PDE8A: variants seen among roughly 807,000 people sequenced by gnomAD.
PDE8A encodes the protein high affinity cAMP-specific and IBMX-insensitive 3',5'-cyclic phosphodiesterase 8A.
Under a neutral mutation model 105.0 loss-of-function variants are expected in PDE8A, and 59 were observed. The ratio of observed to expected loss-of-function variants is 0.56; its 90% CI spans 0.46 to 0.70. PDE8A has a LOEUF of 0.70. Ranked by LOEUF, PDE8A falls within the 30% of genes least tolerant of loss-of-function variation. PDE8A has a pLI of 0.00. For missense variants in PDE8A, 1,014 were observed against 1,045.9 expected (o/e 0.97, Z 0.42); for synonymous variants, 355 against 371.9 (o/e 0.95, Z 0.52).
intron 20 of PDE8A, among the ~76,000 whole-genome samples, chr15:85,131,720 T>A (rs2082332756): frequency 6.6e-6 from 1 of 152,254 alleles, no homozygotes. Context: ...ATCAAGTTAC[T>A]GTCTAGCTTC....
chr15:84,987,494 A>T (rs1180654174), intron 1 of PDE8A, among the ~76,000 whole-genome samples: 3 of 109,840 alleles, frequency 2.7e-5, no homozygotes, highest in Non-Finnish European at 5.8e-5. Context: ...TTTTAAAGAC[A>T]GTTTTTTGCT....
intron 5 of PDE8A, among the ~76,000 whole-genome samples, chr15:85,082,610 T>C (rs192471401): frequency 2.0e-5 from 3 of 152,270 alleles, no homozygotes; most frequent in Admixed American, 2.0e-4. Flanking sequence ...AGGAACTCTT[T>C]AAGGGGACCC....
intron 1 of PDE8A, among the ~76,000 whole-genome samples, chr15:85,043,362 T>C (rs367829749): frequency 6.6e-6 from 1 of 152,180 alleles, no homozygotes; most frequent in East Asian, 1.9e-4. Context: ...TGATCAGTTT[T>C]GTCTTTTGGG....
At chr15:85,112,986 A>G (rs1312883482) in intron 12 of PDE8A, among the ~76,000 whole-genome samples, 1 of 152,210 alleles carries the variant, frequency 6.6e-6, no homozygotes, top group Non-Finnish European at 1.5e-5. Context: ...CTCCTGCCAT[A>G]TATGAAACAA....
intron 1 of PDE8A, among the ~76,000 whole-genome samples, chr15:84,992,591 G>A (rs1422517396): frequency 6.6e-6 from 1 of 152,136 alleles, no homozygotes; most frequent in African/African-American, 2.4e-5. Flanking sequence ...ACAGCTAGAG[G>A]TGGGGCACTA....
At chr15:85,035,800 G>A (rs1024792974) in intron 1 of PDE8A, among the ~76,000 whole-genome samples, 1 of 152,196 alleles carries the variant, frequency 6.6e-6, no homozygotes, top group South Asian at 2.1e-4. Flanking sequence ...ACTTTCTGAA[G>A]TGTCATAATA....
At chr15:85,021,934 T>G (rs1485090697) in intron 1 of PDE8A, among the ~76,000 whole-genome samples, 1 of 152,210 alleles carries the variant, frequency 6.6e-6, no homozygotes, top group Non-Finnish European at 1.5e-5. Context: ...CCATTACTGG[T>G]GATTTTCACT....
At chr15:85,061,153 A>G (rs991237833) in intron 1 of PDE8A, among the ~76,000 whole-genome samples, 2 of 152,082 alleles carry the variant, frequency 1.3e-5, no homozygotes, top group Admixed American at 6.6e-5. Flanking sequence ...TGAGAGATCT[A>G]TTGATAATCT....
intron 1 of PDE8A, among the ~76,000 whole-genome samples, chr15:85,059,307 T>C (rs2081109168): frequency 6.6e-6 from 1 of 152,220 alleles, no homozygotes; most frequent in African/African-American, 2.4e-5. Flanking sequence ...CTTGAGAATG[T>C]CCCATGTGCA....
intron 5 of PDE8A, among the ~76,000 whole-genome samples, chr15:85,080,757 T>C (rs1002668611): frequency 2.6e-5 from 4 of 152,202 alleles, no homozygotes; most frequent in African/African-American, 9.7e-5. Flanking sequence ...ACTTGAAAAG[T>C]AACTGACACA....
chr15:85,081,878 C>T (rs1008203827), intron 5 of PDE8A, among the ~76,000 whole-genome samples: 2 of 151,966 alleles, frequency 1.3e-5, no homozygotes, highest in African/African-American at 2.4e-5. Flanking sequence ...AACATTCAGA[C>T]CAATTAAAAA....
chr15:85,011,246 G>A (rs1000205676), intron 1 of PDE8A, among the ~76,000 whole-genome samples: 1 of 152,208 alleles, frequency 6.6e-6, no homozygotes. Flanking sequence ...GGCCCAGTAG[G>A]AAGACGAATT....
At chr15:85,022,270 A>T (rs1298954189) in intron 1 of PDE8A, among the ~76,000 whole-genome samples, 1 of 152,176 alleles carries the variant, frequency 6.6e-6, no homozygotes, top group Non-Finnish European at 1.5e-5. Flanking sequence ...TGGTCCAAAG[A>T]CATGGGTGCT....
chr15:85,042,088 T>TTA (rs2080818775), intron 1 of PDE8A, among the ~76,000 whole-genome samples: 1 of 151,806 alleles, frequency 6.6e-6, no homozygotes, highest in African/African-American at 2.4e-5. Context: ...TTTTTTTTTT[T>TTA]AATAAAAAAT....
chr15:85,049,387 C>T (rs1004202231), intron 1 of PDE8A, among the ~76,000 whole-genome samples: 1 of 152,138 alleles, frequency 6.6e-6, no homozygotes, highest in Admixed American at 6.5e-5. Context: ...ACACATTCTG[C>T]TTTCTCTCTA....
At chr15:85,108,990 T>G (rs2081983891) in intron 11 of PDE8A, 63 bp from the exon 12 acceptor site, 1 of 1,170,910 alleles carries the variant, frequency 8.5e-7, no homozygotes, top group Admixed American at 2.1e-5. Flanking sequence ...TTTAGATTGG[T>G]AACCTTCCTT....
intron 3 of PDE8A, among the ~76,000 whole-genome samples, chr15:85,071,720 T>G (rs1246284229): frequency 1.3e-5 from 2 of 152,126 alleles, no homozygotes; most frequent in African/African-American, 2.4e-5. Flanking sequence ...GAAGAGGTGC[T>G]AAGGAAACTC....
intron 1 of PDE8A, among the ~76,000 whole-genome samples, chr15:85,053,168 C>T (rs1238744344): frequency 1.3e-5 from 2 of 152,128 alleles, no homozygotes; most frequent in Non-Finnish European, 2.9e-5. Flanking sequence ...CTGTTCTGTT[C>T]CATTGGTCTA....
chr15:85,011,132 T>C (rs2080232686), intron 1 of PDE8A, among the ~76,000 whole-genome samples: 1 of 152,236 alleles, frequency 6.6e-6, no homozygotes, highest in Admixed American at 6.5e-5. Flanking sequence ...TGTTGATTTT[T>C]CTCTGAACTT....
Sources: allele counts gnomAD v4.1 joint callset (sites outside exome capture counted in the v4.1 genomes callset), GRCh38; gene constraint gnomAD v4.1.1; transcripts MANE v1.5; gene names NCBI Gene and HGNC (gene_info 2026-07-23, HGNC 2026-07-21).